Variants in ZNF543 observed in about 807,000 individuals in gnomAD.
ZNF543 encodes the protein zinc finger protein 543.
Under a neutral mutation model 13.4 loss-of-function variants are expected in ZNF543, and 10 were observed. That is an observed-to-expected ratio of 0.75 (90% CI 0.46 to 1.26). ZNF543 has a LOEUF of 1.26. Ranked by LOEUF, ZNF543 falls within the 50% of genes most tolerant of loss-of-function variation. The probability of loss-of-function intolerance (pLI) is 0.00; values close to 1 mark genes in which losing one functional copy is unlikely to be tolerated. For synonymous variants in ZNF543, 272 were observed against 264.7 expected, an observed-to-expected ratio of 1.03 and a Z score of -0.27; for missense variants, 768 against 741.2, an observed-to-expected ratio of 1.04 and a Z score of -0.42.
At position 57,328,266 on chromosome 19, in the gene ZNF543, A is replaced by C. The variant is rs2088136789; in HGVS notation, c.804A>C (p.Ser268=). The change falls in exon 4 of 4, where the codon TCA becomes TCC. Residue 268 remains serine, a synonymous_variant. Transcript: ENST00000321545. The stretch of plus-strand genomic sequence containing the variant: ...GTGGGAAGGCTTTTAACCGCAGGTC[A>C]CACCTCACACGGCACCAGCGGATTC... ...MECGKAFNRR[S]HLTRHQRIHS... is the part of the protein sequence containing the mutation. The C allele has an allele frequency of 1.2e-6, 2 of 1,613,816 alleles. No homozygotes were observed. The highest frequency in any genetic ancestry group is 2.7e-5 in the African/African-American group (2 of 74,940).
In ZNF543 at chr19:57,328,877, T is replaced by C. The variant is rs750225325; in HGVS notation, c.1415T>C (p.Ile472Thr). The change falls in exon 4 of 4, where the codon ATC (isoleucine) becomes ACC (threonine). Residue 472 changes from isoleucine (I) to threonine (T), a missense_variant. Around this residue, in one of 3 missense-constraint regions of ZNF543, gnomAD observed 677 missense variants for 631.4 expected, o/e 1.07. Coordinates refer to ENST00000321545, the MANE Select transcript of ZNF543 (RefSeq NM_213598.4). ...GCAGACCTCATTCGCCACTTCAGCA[T>C]CCACACTGGAGAGAAACCCTATGAG... ...DRADLIRHFS[I>T]HTGEKPYECV... 2 of 1,613,904 alleles carry C rather than the reference T, an allele frequency of 1.2e-6. No individual in the cohort carries two copies. The highest frequency in any genetic ancestry group is 1.7e-6 in the Non-Finnish European group (2 of 1,179,974).
intron 1 of ZNF543, among the ~76,000 whole-genome samples, chr19:57,322,657 A>C (rs896468962): frequency 3.3e-5 from 5 of 152,136 alleles, no homozygotes; most frequent in Non-Finnish European, 7.4e-5. Context: ...TCCTGATAAG[A>C]GATGTGACTT....
rs1375059164 is a variant in ZNF543, at chr19:57,326,611, CTCTTTTGTTCTCCA to C, written c.146-20_146-7del. On this transcript the variant is annotated splice_region_variant and splice_polypyrimidine_tract_variant and intron_variant, in intron 2 of 3. Coordinates refer to ENST00000321545, the MANE Select transcript of ZNF543 (RefSeq NM_213598.4). ...TTCTTCTAACCTAACTCCCTGTGTCCTCTTTTGTTCTCCATGCACAGGCTGTCCTTTGTTCAAAC... is the reference window on the plus strand; with the variant it reads ...TTCTTCTAACCTAACTCCCTGTGTCCTGCACAGGCTGTCCTTTGTTCAAAC... The C allele has an allele frequency of 1.9e-6, 3 of 1,593,786 alleles. No homozygotes were observed. Among genetic ancestry groups the C allele is most frequent in the Non-Finnish European group, 2.6e-6 (3 of 1,161,922 alleles).
chr19:57,328,216 G>C lies in ZNF543; in HGVS notation c.754G>C (p.Glu252Gln). The C allele has an allele frequency of 1.2e-6, 2 of 1,613,268 alleles. No individual in the cohort carries two copies. Among genetic ancestry groups the C allele is most frequent in the Non-Finnish European group, 1.7e-6 (2 of 1,179,312 alleles). Residue 252 changes from glutamate (E) to glutamine (Q), a missense_variant, in exon 4 of 4, where the codon GAG becomes CAG. Transcript: ENST00000321545. Reference sequence around the variant, plus strand: ...TCAGCACCTCATCATCCACACTGGGGAGAAGCCCTATAAGTGCATGGAGTG... The same window carrying C: ...TCAGCACCTCATCATCCACACTGGGCAGAAGCCCTATAAGTGCATGGAGTG... Reference protein sequence around the residue: ...LLQHLIIHTGEKPYKCMECGK... With the variant: ...LLQHLIIHTGQKPYKCMECGK...
At chr19:57,323,442 A>G (rs114584217) in intron 1 of ZNF543, among the ~76,000 whole-genome samples, 1 of 151,404 alleles carries the variant, frequency 6.6e-6, no homozygotes, top group South Asian at 2.1e-4. Context: ...TCTGCCCTTC[A>G]TGGCCCCCCA....
chr19:57,323,585 TG>T, intron 1 of ZNF543, 96 bp from the exon 2 acceptor site: 1 of 1,449,120 alleles, frequency 6.9e-7, no homozygotes, highest in East Asian at 2.4e-5. Flanking sequence ...ATTTGATTCT[TG>T]GGTCACTGCG....
rs778154029 is a variant in ZNF543 at position 57,327,660 on chromosome 19, A to G, written c.242-44A>G. 8.4e-6 allele frequency: 13 copies of G among 1,543,484 alleles called. No homozygotes were observed. The Admixed American group carries it at 1.7e-4, about 20-fold the overall frequency. ...GTCCCTGGCCTTTGTTTTTTCTATAATGCCATCTCTAATAAGCCTTTTTGT... is the reference window on the plus strand; with the variant it reads ...GTCCCTGGCCTTTGTTTTTTCTATAGTGCCATCTCTAATAAGCCTTTTTGT... On this transcript the variant is annotated intron_variant, in intron 3 of 3. Coordinates refer to ENST00000321545, the MANE Select transcript of ZNF543 (RefSeq NM_213598.4).
rs1469934186 is a variant in ZNF543 at position 57,320,708 on chromosome 19, G to C, written c.-146G>C. On this transcript the variant is annotated 5_prime_UTR_variant, in exon 1 of 4. Transcript: ENST00000321545. ...TCCGTCTCCTCAGCCCCGACGCTGC[G>C]CCCGCTTTGTGCGCATTTTTCTCTG... is the stretch of plus-strand genomic sequence containing the variant. The C allele has an allele frequency of 6.8e-6, 7 of 1,032,446 alleles. No homozygotes were observed. Among genetic ancestry groups the C allele is most frequent in the Non-Finnish European group, 9.5e-6 (7 of 737,900 alleles). The allele number at this position is 1,032,446 out of a possible 1,614,324, so 64.0% of individuals were successfully genotyped here.
At position 57,328,919 on chromosome 19, in the gene ZNF543, A is replaced by G. The variant is rs746411226; in HGVS notation, c.1457A>G (p.Lys486Arg). 3.1e-6 allele frequency: 5 copies of G among 1,614,076 alleles called. No homozygotes were observed. The highest frequency in any genetic ancestry group is 1.1e-5 in the South Asian group (1 of 91,082). Residue 486 changes from lysine to arginine, a missense_variant, in exon 4 of 4, where the codon AAG becomes AGG. By Grantham distance (26) the Lys-to-Arg change is conservative. Coordinates refer to ENST00000321545, the MANE Select transcript of ZNF543 (RefSeq NM_213598.4). ...EKPYECVECG[K>R]AFNRSSHLTR... is the part of the protein sequence containing the mutation. ...CCCTATGAGTGCGTGGAGTGTGGAAAGGCCTTCAACCGCAGCTCACACCTC... is the reference window on the plus strand; with the variant it reads ...CCCTATGAGTGCGTGGAGTGTGGAAGGGCCTTCAACCGCAGCTCACACCTC...
chr19:57,320,669 C>T lies in ZNF543; in HGVS notation c.-185C>T, dbSNP rs2088084133. 3.0e-6 allele frequency: 2 copies of T among 657,694 alleles called. No individual in the cohort carries two copies. Among genetic ancestry groups the T allele is most frequent in the Non-Finnish European group, 2.4e-6 (1 of 411,996 alleles). 40.7% of individuals were successfully genotyped at this position (657,694 alleles called of 1,614,324 possible). ...CACCGGCGCCTGCCGAGGCCTAGGC[C>T]TCCGCAGCCGCCCTCCGTCTCCTCA... On this transcript the variant is annotated 5_prime_UTR_variant, in exon 1 of 4. Coordinates refer to ENST00000321545, the MANE Select transcript of ZNF543 (RefSeq NM_213598.4).
rs766996466 is a variant in ZNF543 at position 57,328,014 on chromosome 19, T to C, written c.552T>C (p.His184=). ...TEGDLYECDS[H]GPVTDALIRE... Reference sequence around the variant, plus strand: ...GTGATCTCTATGAATGTGATTCACATGGACCAGTTACAGATGCCTTGATTC... The same window carrying C: ...GTGATCTCTATGAATGTGATTCACACGGACCAGTTACAGATGCCTTGATTC... The change falls in exon 4 of 4, where the codon CAT becomes CAC. Residue 184 remains histidine, a synonymous_variant. Transcript: ENST00000321545. The C allele has an allele frequency of 8.1e-6, 13 of 1,614,220 alleles. No homozygotes were observed. In the Admixed American group the frequency reaches 1.8e-4, roughly 23 times the overall value.
chr19:57,324,473 CT>C (rs1400384484), intron 2 of ZNF543, among the ~76,000 whole-genome samples: 1 of 152,126 alleles, frequency 6.6e-6, no homozygotes, highest in Admixed American at 6.6e-5. Flanking sequence ...ATTGTGACCT[CT>C]GTTGCTGTCA....
At chr19:57,322,636 A>G (rs998768867) in intron 1 of ZNF543, among the ~76,000 whole-genome samples, 5 of 152,126 alleles carry the variant, frequency 3.3e-5, no homozygotes, top group Non-Finnish European at 7.3e-5. Flanking sequence ...CCTGGGTTCA[A>G]ATTCTGTCTC....
At chr19:57,321,716 A>AC (rs2088090908) in intron 1 of ZNF543, among the ~76,000 whole-genome samples, 1 of 152,164 alleles carries the variant, frequency 6.6e-6, no homozygotes, top group African/African-American at 2.4e-5. Flanking sequence ...TCAGAAACTA[A>AC]CAACTGGTGT....
At chr19:57,325,398 C>T (rs2088114867) in intron 2 of ZNF543, among the ~76,000 whole-genome samples, 1 of 152,084 alleles carries the variant, frequency 6.6e-6, no homozygotes, top group African/African-American at 2.4e-5. Context: ...TGTCTTTTAC[C>T]CCCTTATATT....
chr19:57,324,277 G>C (rs1457932663), intron 2 of ZNF543, among the ~76,000 whole-genome samples: 1 of 151,196 alleles, frequency 6.6e-6, no homozygotes, highest in Non-Finnish European at 1.5e-5. Flanking sequence ...CTTGAACCCG[G>C]GAGGCGGAAG....
At position 57,320,853 on chromosome 19, in the gene ZNF543, G is replaced by T; in HGVS notation, c.-1G>T. 1 of 1,614,044 alleles carries T rather than the reference G, an allele frequency of 6.2e-7. No individual in the cohort carries two copies. Among genetic ancestry groups the T allele is most frequent in the Non-Finnish European group, 8.5e-7 (1 of 1,179,984 alleles). On this transcript the variant is annotated 5_prime_UTR_variant, in exon 1 of 4. Transcript: ENST00000321545. Reference sequence around the variant, plus strand: ...CCCCGCTAGGGCTGCAGGGTCTCAGGATGGCAGCCTCGGCGCAGGTGAGTG... The same window carrying T: ...CCCCGCTAGGGCTGCAGGGTCTCAGTATGGCAGCCTCGGCGCAGGTGAGTG...
At position 57,324,220 on chromosome 19, in the gene ZNF543, G is replaced by A. The variant is rs552930105; in HGVS notation, c.145+412G>A. On this transcript the variant is annotated intron_variant, in intron 2 of 3. Transcript: ENST00000321545. ...CAAAAAATTAGCCGGGTGTGATGGC[G>A]GGTGCCTGTAATCCCAGCTACTCAG... Among the ~76,000 whole-genome samples the A allele has an allele frequency of 3.9e-5, 6 of 152,106 alleles. No homozygotes were observed. The East Asian group carries it at 5.8e-4, about 15-fold the overall frequency.
intron 2 of ZNF543, among the ~76,000 whole-genome samples, chr19:57,326,064 C>T (rs925244205): frequency 3.3e-5 from 5 of 152,150 alleles, no homozygotes; most frequent in African/African-American, 1.2e-4. Flanking sequence ...ATTATAAAAT[C>T]CCTTCAGAAA....
Sources: allele counts gnomAD v4.1 joint callset (sites outside exome capture counted in the v4.1 genomes callset), GRCh38; gene constraint gnomAD v4.1.1; regional missense constraint gnomAD v4.1.1; transcripts MANE v1.5; gene names NCBI Gene and HGNC (gene_info 2026-07-23, HGNC 2026-07-21).